GNG4: variants seen among roughly 807,000 people sequenced by gnomAD.
GNG4 encodes guanine nucleotide-binding protein G(I)/G(S)/G(O) subunit gamma-4.
A neutral mutation model predicts 5.8 loss-of-function variants in GNG4; 4 were observed. That is an observed-to-expected ratio of 0.69 (90% CI 0.34 to 1.57). The LOEUF (loss-of-function observed/expected upper bound fraction) is 1.57, where lower values mean the gene tolerates loss of function less well. Among genes scored for constraint, GNG4 ranks in the 40% most tolerant of loss-of-function variants. GNG4 has a pLI of 0.06. For synonymous variants in GNG4, 29 were observed against 32.9 expected, an observed-to-expected ratio of 0.88 and a Z score of 0.41; for missense variants, 96 against 95.1, an observed-to-expected ratio of 1.01 and a Z score of -0.04.
At chr1:235,627,813 T>G (rs929611966) in intron 1 of GNG4, among the ~76,000 whole-genome samples, 4 of 152,206 alleles carry the variant, frequency 2.6e-5, no homozygotes, top group African/African-American at 9.7e-5. Flanking sequence ...GTTTCAACCA[T>G]GAGACTGGAT....
intron 1 of GNG4, among the ~76,000 whole-genome samples, chr1:235,620,806 A>T (rs1335125060): frequency 1.3e-5 from 2 of 152,194 alleles, no homozygotes; most frequent in Non-Finnish European, 2.9e-5. Flanking sequence ...AAGTGCTGGG[A>T]TTACAGGCGT....
intron 1 of GNG4, among the ~76,000 whole-genome samples, chr1:235,618,773 A>G (rs60349172): frequency 0.2 from 29,779 of 150,724 alleles, 5,125 homozygotes; most frequent in East Asian, 0.58. Flanking sequence ...CTCCTGCCTC[A>G]GCCTCCTGAG....
chr1:235,616,746 G>A lies in GNG4; in HGVS notation c.-122-21235C>T, dbSNP rs566259067. On this transcript the variant is annotated intron_variant, in intron 1 of 3. Transcript: ENST00000391854. ...GAAAGATGTGTGTGTGTGTGTGTGC[G>A]CGCGTGTTTTGAGATGGAGATTTGC... is the stretch of plus-strand genomic sequence containing the variant. 2.5e-4 allele frequency among the ~76,000 whole-genome samples: 38 copies of A among 151,762 alleles called. No homozygotes were observed. In the South Asian group the frequency reaches 5.9e-3, roughly 23 times the overall value.
In GNG4 at chr1:235,613,588, C is replaced by T. The variant is rs956427728; in HGVS notation, c.-122-18077G>A. ...TGCTGGCTTTGAAGGTGGAAGGGGG[C>T]CACAAGTGAAGGGAAGTGTCCAGCC... On this transcript the variant is annotated intron_variant, in intron 1 of 3. Coordinates refer to ENST00000391854, the MANE Select transcript of GNG4 (RefSeq NM_001098722.2). Among the ~76,000 whole-genome samples the T allele has an allele frequency of 3.3e-5, 5 of 151,994 alleles. No homozygotes were observed. In the East Asian group the frequency reaches 9.6e-4, roughly 29 times the overall value.
At position 235,642,063 on chromosome 1, in the gene GNG4, C is replaced by T. The variant is rs1657345758; in HGVS notation, c.-123+7599G>A. On this transcript the variant is annotated intron_variant, in intron 1 of 3. Transcript: ENST00000391854. This position sits in a 1 kb window ranked among gnomAD's most constrained non-coding sequence, Gnocchi z 4.3. ...TGCGTTTTCGTAGCCCTAGAGCTTC[C>T]AACGTACAGTGCGGAAAAGCAACAT... Among the ~76,000 whole-genome samples, 2 of 152,316 alleles carry T rather than the reference C, an allele frequency of 1.3e-5. No individual in the cohort carries two copies. Among genetic ancestry groups the T allele is most frequent in the South Asian group, 4.1e-4 (2 of 4,822 alleles).
intron 3 of GNG4, among the ~76,000 whole-genome samples, chr1:235,555,910 C>G (rs748839606): frequency 1.2e-4 from 19 of 152,066 alleles, no homozygotes; most frequent in Non-Finnish European, 2.4e-4. Flanking sequence ...CTCTGCCATC[C>G]AGACTGGAGT....
At chr1:235,609,583 T>C (rs76970025) in intron 1 of GNG4, among the ~76,000 whole-genome samples, 256 of 152,296 alleles carry the variant, frequency 1.7e-3, no homozygotes, top group African/African-American at 6.1e-3. Flanking sequence ...TTTGTAACAA[T>C]TCAAGTTTTC....
intron 3 of GNG4, among the ~76,000 whole-genome samples, chr1:235,582,805 T>A (rs76596316): frequency 0.076 from 11,497 of 152,212 alleles, 624 homozygotes; most frequent in Non-Finnish European, 0.11. Context: ...TCATATACCC[T>A]CATGTAACTT....
chr1:235,597,630 A>AC (rs1688157568), intron 1 of GNG4, among the ~76,000 whole-genome samples: 3 of 35,582 alleles, frequency 8.4e-5, no homozygotes, highest in South Asian at 8.4e-4. Flanking sequence ...GTGTGTGTGT[A>AC]TTTTTTTTTT....
At chr1:235,587,440 GAGCGTGTGTGA>G (rs1687812263) in intron 2 of GNG4, among the ~76,000 whole-genome samples, 2 of 72,478 alleles carry the variant, frequency 2.8e-5, no homozygotes, top group Admixed American at 1.4e-4. Flanking sequence ...GAGGGTGGGT[GAGCGTGTGTGA>G]GGGTACAGGG....
intron 1 of GNG4, among the ~76,000 whole-genome samples, chr1:235,636,392 G>C (rs1689037881): frequency 6.6e-6 from 1 of 152,202 alleles, no homozygotes; most frequent in African/African-American, 2.4e-5. Context: ...AAGGCACCAG[G>C]TCCTGCGGTG....
chr1:235,582,825 A>G (rs1452058669), intron 3 of GNG4, among the ~76,000 whole-genome samples: 1 of 151,974 alleles, frequency 6.6e-6, no homozygotes, highest in Non-Finnish European at 1.5e-5. Context: ...TTCCGTGCAT[A>G]TTTTCTGCCT....
At chr1:235,621,976 CTCCA>C (rs1306802357) in intron 1 of GNG4, among the ~76,000 whole-genome samples, 3 of 152,086 alleles carry the variant, frequency 2.0e-5, no homozygotes, top group Non-Finnish European at 4.4e-5. Context: ...CGCACCTGGC[CTCCA>C]GCACATTGTT....
chr1:235,623,527 G>A (rs1688750517), intron 1 of GNG4, among the ~76,000 whole-genome samples: 1 of 152,154 alleles, frequency 6.6e-6, no homozygotes, highest in East Asian at 1.9e-4. Context: ...TTTTTCCAGC[G>A]TTTTTGCTGC....
At chr1:235,552,732 A>G (rs780215845) in intron 3 of GNG4, among the ~76,000 whole-genome samples, 36 of 152,104 alleles carry the variant, frequency 2.4e-4, no homozygotes, top group Non-Finnish European at 4.9e-4. Flanking sequence ...TATATTTTAT[A>G]AGCACACGTT....
chr1:235,642,508 G>A lies in GNG4; in HGVS notation c.-123+7154C>T, dbSNP rs1372101518. On this transcript the variant is annotated intron_variant, in intron 1 of 3. Transcript: ENST00000391854. This position sits in a 1 kb window ranked among gnomAD's most constrained non-coding sequence, Gnocchi z 4.3. ...GGGACAAAGAAATCATAAACAAGAG[G>A]CAGGATGCAACTGCTTCAACGCAGA... Among the ~76,000 whole-genome samples the A allele has an allele frequency of 7.9e-5, 12 of 152,124 alleles. No individual in the cohort carries two copies. Among genetic ancestry groups the A allele is most frequent in the African/African-American group, 2.4e-4 (10 of 41,434 alleles).
intron 3 of GNG4, among the ~76,000 whole-genome samples, chr1:235,563,872 G>A (rs1412322925): frequency 6.6e-6 from 1 of 152,178 alleles, no homozygotes; most frequent in Non-Finnish European, 1.5e-5. Flanking sequence ...GGTGGTGATT[G>A]CAGCAGTTCC....
chr1:235,631,373 C>A (rs1688928334), intron 1 of GNG4, among the ~76,000 whole-genome samples: 1 of 152,106 alleles, frequency 6.6e-6, no homozygotes, highest in Non-Finnish European at 1.5e-5. Context: ...TTGTAATGTG[C>A]CTAGGTTGAT....
At chr1:235,629,525 C>G (rs116390675) in intron 1 of GNG4, among the ~76,000 whole-genome samples, 1,648 of 152,196 alleles carry the variant, frequency 0.011, 19 homozygotes, top group Non-Finnish European at 0.014. Flanking sequence ...TTGTGAAAAG[C>G]CATCTCTGCC....
Sources: allele counts gnomAD v4.1 joint callset (sites outside exome capture counted in the v4.1 genomes callset), GRCh38; gene constraint gnomAD v4.1.1; non-coding constraint Gnocchi (gnomAD v3.1); transcripts MANE v1.5; gene names NCBI Gene and HGNC (gene_info 2026-07-23, HGNC 2026-07-21).